The following AFF2 variants were observed in gnomAD, a reference collection of about 807,000 sequenced individuals.
The protein encoded by AFF2 is AF4/FMR2 family member 2.
A neutral mutation model predicts 76.9 loss-of-function variants in AFF2; 14 were observed. The observed-to-expected ratio is 0.18, with a 90% CI of 0.12 to 0.28. The LOEUF (loss-of-function observed/expected upper bound fraction) is 0.28, where lower values mean the gene tolerates loss of function less well. AFF2 is among the 10% of genes least tolerant of loss of function. AFF2 has a pLI of 1.00. For missense variants in AFF2, 868 were observed against 1,001.1 expected (o/e 0.87, Z 1.79); for synonymous variants, 398 against 366.7 (o/e 1.09, Z -0.98).
chrX:148,551,056 GA>G (rs1243786034), intron 1 of AFF2, among the ~76,000 whole-genome samples: 5 of 109,373 alleles, frequency 4.6e-5, no homozygotes, highest in African/African-American at 1.7e-4. Flanking sequence ...TTGGGAGGGG[GA>G]AAAATCAGCC....
intron 11 of AFF2, among the ~76,000 whole-genome samples, chrX:148,957,433 A>G (rs2072054372): frequency 9.0e-6 from 1 of 111,126 alleles, no homozygotes. Flanking sequence ...GTCATCATTC[A>G]GCTTGACTTT....
At chrX:148,579,599 A>C (rs1557244041) in intron 1 of AFF2, among the ~76,000 whole-genome samples, 1 of 112,065 alleles carries the variant, frequency 8.9e-6, no homozygotes, top group Non-Finnish European at 1.9e-5. Flanking sequence ...ATGCTGTTTC[A>C]TGTTTGTTTT....
chrX:148,674,752 A>G (rs782100891), intron 3 of AFF2, among the ~76,000 whole-genome samples: 1 of 112,465 alleles, frequency 8.9e-6, no homozygotes, highest in African/African-American at 3.2e-5. Context: ...CACAGAGATA[A>G]CTGCTAAAAG....
chrX:148,881,124 A>G (rs1422209690), intron 7 of AFF2, among the ~76,000 whole-genome samples: 2 of 111,830 alleles, frequency 1.8e-5, no homozygotes, highest in Non-Finnish European at 3.8e-5. Flanking sequence ...TCTAGCCAGT[A>G]TCAAGTGCTG....
intron 4 of AFF2, among the ~76,000 whole-genome samples, chrX:148,810,911 C>T (rs1185771208): frequency 9.0e-6 from 1 of 111,552 alleles, no homozygotes; most frequent in Non-Finnish European, 1.9e-5. Flanking sequence ...CCAGTAAGTG[C>T]CTTCTCAGCA....
chrX:148,950,530 A>G (rs192889973), intron 9 of AFF2, among the ~76,000 whole-genome samples: 13 of 112,113 alleles, frequency 1.2e-4, no homozygotes, highest in African/African-American at 4.2e-4. Context: ...TCCCTGAATT[A>G]AAGTCCACCC....
intron 7 of AFF2, among the ~76,000 whole-genome samples, chrX:148,880,473 C>T (rs1468640238): frequency 1.8e-5 from 2 of 111,388 alleles, no homozygotes; most frequent in African/African-American, 6.5e-5. Context: ...GTCAAGAGGG[C>T]TAAGTTACTA....
chrX:148,762,161 A>C (rs1291153360), intron 3 of AFF2, among the ~76,000 whole-genome samples: 1 of 109,888 alleles, frequency 9.1e-6, no homozygotes, highest in Non-Finnish European at 1.9e-5. Context: ...AGCAGTGTAC[A>C]CTGTACCCAA....
chrX:148,548,893 T>C (rs1298454722), intron 1 of AFF2, among the ~76,000 whole-genome samples: 1 of 112,818 alleles, frequency 8.9e-6, no homozygotes, highest in Non-Finnish European at 1.9e-5. Context: ...TGCCGTAATA[T>C]ATACTGGCTA....
intron 8 of AFF2, among the ~76,000 whole-genome samples, chrX:148,893,873 T>G (rs2071251649): frequency 8.9e-6 from 1 of 111,807 alleles, no homozygotes; most frequent in Admixed American, 9.5e-5. Flanking sequence ...AAAAGAGTCC[T>G]CATCATGTTG....
rs1050970256 is a variant in AFF2, at chrX:148,632,564, C to T, written c.48-19435C>T. Among the ~76,000 whole-genome samples, 11 of 111,224 alleles carry T rather than the reference C, an allele frequency of 9.9e-5. No individual in the cohort carries two copies. The Admixed American group carries it at 1.1e-3, about 11-fold the overall frequency. On this transcript the variant is annotated intron_variant, in intron 1 of 20. Coordinates refer to ENST00000370460, the MANE Select transcript of AFF2 (RefSeq NM_002025.4). ...TTCATGACAATGTGTGCTTTGTACT[C>T]TCGCCGATCATTGATTTTACTGTTG...
chrX:148,864,135 CAA>C (rs1557276658), intron 7 of AFF2, among the ~76,000 whole-genome samples: 1 of 111,656 alleles, frequency 9.0e-6, no homozygotes, highest in Non-Finnish European at 1.9e-5. Flanking sequence ...ATATTTAACT[CAA>C]AGAGAAGTGG....
chrX:148,851,746 CTTT>C (rs1159884086), intron 7 of AFF2, among the ~76,000 whole-genome samples: 1 of 109,523 alleles, frequency 9.1e-6, no homozygotes, highest in Non-Finnish European at 1.9e-5. Context: ...TTCTTTTTTT[CTTT>C]TTTTTTAACT....
intron 1 of AFF2, among the ~76,000 whole-genome samples, chrX:148,568,710 C>T (rs1382722123): frequency 8.9e-6 from 1 of 111,752 alleles, no homozygotes; most frequent in African/African-American, 3.2e-5. Context: ...AAACATGATG[C>T]GAATTTAGAT....
intron 3 of AFF2, among the ~76,000 whole-genome samples, chrX:148,768,095 G>T (rs1557267884): frequency 9.3e-6 from 1 of 107,388 alleles, no homozygotes; most frequent in East Asian, 3.0e-4. Context: ...TACTTCCTCT[G>T]CCTGGTGAAC....
rs182180199 is a variant in AFF2, at chrX:148,931,943, C to T, written c.1398-21637C>T. ...CTGCTACTGCTGATATCAGGAAACA[C>T]GTCTTAGGCTAACGTCATCCTCAGT... On this transcript the variant is annotated intron_variant, in intron 9 of 20. Coordinates refer to ENST00000370460, the MANE Select transcript of AFF2 (RefSeq NM_002025.4). Among the ~76,000 whole-genome samples, 268 of 111,801 alleles carry T rather than the reference C, an allele frequency of 2.4e-3. 3 individuals carry two copies. The highest frequency in any genetic ancestry group is 2.4e-3 in the Non-Finnish European group (129 of 53,180).
At chrX:148,576,539 AT>A (rs2053289114) in intron 1 of AFF2, among the ~76,000 whole-genome samples, 1 of 111,518 alleles carries the variant, frequency 9.0e-6, no homozygotes, top group Non-Finnish European at 1.9e-5. Flanking sequence ...TATTTCCTTT[AT>A]AATGGCATGT....
At chrX:148,593,445 C>T (rs2053541844) in intron 1 of AFF2, among the ~76,000 whole-genome samples, 1 of 111,874 alleles carries the variant, frequency 8.9e-6, no homozygotes, top group Non-Finnish European at 1.9e-5. Context: ...GAATCCACAC[C>T]TGAACAGTTA....
chrX:148,743,278 G>C (rs782000109), intron 3 of AFF2, among the ~76,000 whole-genome samples: 1 of 112,026 alleles, frequency 8.9e-6, no homozygotes, highest in East Asian at 2.8e-4. Context: ...TGTCAAGCAG[G>C]TATAATTCCA....
Sources: gnomAD v4.1 joint callset for allele counts (sites outside exome capture counted in the v4.1 genomes callset) on GRCh38, gnomAD v4.1.1 for gene constraint, MANE v1.5 for transcripts, NCBI Gene and HGNC (gene_info 2026-07-23, HGNC 2026-07-21) for gene names.